Variants in GRK7 observed in about 807,000 individuals in gnomAD.
GRK7 encodes rhodopsin kinase GRK7.
Under a neutral mutation model 34.1 loss-of-function variants are expected in GRK7, and 24 were observed. The observed-to-expected ratio is 0.70, with a 90% confidence interval of 0.51 to 0.99. The LOEUF is 0.99. Among genes scored for constraint, GRK7 ranks in the 50% least tolerant of loss-of-function variants. The pLI is 0.00. For missense variants in GRK7, 644 were observed against 707.3 expected (o/e 0.91, Z 1.02); for synonymous variants, 256 against 279.4 (o/e 0.92, Z 0.84).
chr3:141,757,239 G>A, the GRK7 span, among the ~76,000 whole-genome samples: 9 of 149,950 alleles, frequency 6.0e-5, no homozygotes, highest in African/African-American at 2.2e-4. Context: ...ATGCTGGTGC[G>A]CTGCACCCAC....
chr3:141,777,110 G>C (rs936387779), intron 2 of GRK7, among the ~76,000 whole-genome samples: 2 of 152,088 alleles, frequency 1.3e-5, no homozygotes, highest in African/African-American at 4.8e-5. Context: ...CCACGCGAAG[G>C]CTCCTTGGCA....
At chr3:141,753,257 A>G in the GRK7 span, among the ~76,000 whole-genome samples, 1 of 152,260 alleles carries the variant, frequency 6.6e-6, no homozygotes, top group Non-Finnish European at 1.5e-5. Flanking sequence ...CTGTAAAGCT[A>G]CAAACAAACT....
chr3:141,772,221 A>G (rs978789036), intron 1 of GRK7, among the ~76,000 whole-genome samples: 1 of 151,878 alleles, frequency 6.6e-6, no homozygotes, highest in South Asian at 2.1e-4. Context: ...CAGCCTCCCA[A>G]GTATCTGGGA....
intron 4 of GRK7, among the ~76,000 whole-genome samples, chr3:141,799,277 A>G (rs996654113): frequency 1.3e-4 from 20 of 152,148 alleles, no homozygotes; most frequent in African/African-American, 4.8e-4. Context: ...AGAAAAAGTC[A>G]CTTCACCTAC....
chr3:141,781,545 A>AC (rs1402113900), intron 4 of GRK7, among the ~76,000 whole-genome samples: 1 of 151,864 alleles, frequency 6.6e-6, no homozygotes, highest in African/African-American at 2.4e-5. Context: ...TCAAAAAAAA[A>AC]AAAGAAAGAA....
rs938579644 is a variant in GRK7 at position 141,817,006 on chromosome 3, G to A, written c.1618G>A (p.Glu540Lys). The change falls in exon 6 of 6, where the codon GAG (glutamate) becomes AAG (lysine). Residue 540 changes from glutamate to lysine, a missense_variant. Glu to Lys is a moderately conservative substitution (Grantham distance 56, BLOSUM62 1). Transcript: ENST00000682958. The part of the protein sequence containing the change: ...LNDPNRPTGC[E>K]EGNSSKSGVC... Reference sequence around the variant, plus strand: ...TGACCCCAACAGACCTACGGGTTGTGAGGAGGGTAATTCATCCAAGTCTGG... The same window carrying A: ...TGACCCCAACAGACCTACGGGTTGTAAGGAGGGTAATTCATCCAAGTCTGG... 1 of 1,612,294 alleles carries A rather than the reference G, an allele frequency of 6.2e-7. No homozygotes were observed. Among genetic ancestry groups the A allele is most frequent in the Non-Finnish European group, 8.5e-7 (1 of 1,179,706 alleles).
chr3:141,785,117 A>C (rs74880522), intron 4 of GRK7, among the ~76,000 whole-genome samples: 7,171 of 152,286 alleles, frequency 0.047, 156 homozygotes, highest in South Asian at 0.088. Flanking sequence ...ACAAGTTAAG[A>C]CAGAAGAGGT....
chr3:141,814,879 A>G (rs1169953210), intron 5 of GRK7, among the ~76,000 whole-genome samples: 3 of 147,454 alleles, frequency 2.0e-5, no homozygotes, highest in Non-Finnish European at 4.5e-5. Flanking sequence ...AGCCCCTCCA[A>G]TATCTGTTTT....
At chr3:141,755,289 G>C in the GRK7 span, among the ~76,000 whole-genome samples, 1 of 152,098 alleles carries the variant, frequency 6.6e-6, no homozygotes, top group Non-Finnish European at 1.5e-5. Context: ...GATCACTTGA[G>C]GCCAGGAGTT....
At chr3:141,750,780 T>C in the GRK7 span, among the ~76,000 whole-genome samples, 69 of 143,684 alleles carry the variant, frequency 4.8e-4, no homozygotes, top group Non-Finnish European at 8.5e-4. Flanking sequence ...TTTTTTTTTT[T>C]AACTACCCTA....
chr3:141,765,088 G>A lies in GRK7; in HGVS notation c.-865G>A, dbSNP rs886224263. Among the ~76,000 whole-genome samples, 8 of 152,178 alleles carry A rather than the reference G, an allele frequency of 5.3e-5. No homozygotes were observed. The highest frequency in any genetic ancestry group is 1.9e-4 in the African/African-American group (8 of 41,430). ...TTCCAGTGGCTTTCCATCTCACTCA[G>A]AAGGAAAACCTAAGTTCTTGCAGTG... On this transcript the variant is annotated 5_prime_UTR_variant, in exon 1 of 6. Coordinates refer to ENST00000682958, the MANE Select transcript of GRK7 (RefSeq NM_139209.3).
chr3:141,775,163 G>A (rs2084633436), intron 2 of GRK7, among the ~76,000 whole-genome samples: 1 of 152,122 alleles, frequency 6.6e-6, no homozygotes, highest in East Asian at 1.9e-4. Flanking sequence ...ACTTTGGGAG[G>A]CCAAGGAGGG....
At chr3:141,773,846 A>G (rs1038358936) in intron 1 of GRK7, among the ~76,000 whole-genome samples, 1 of 152,232 alleles carries the variant, frequency 6.6e-6, no homozygotes, top group African/African-American at 2.4e-5. Flanking sequence ...ACTAAGGCTC[A>G]GAGAAGTTAA....
chr3:141,789,422 G>A (rs2084712285), intron 4 of GRK7, among the ~76,000 whole-genome samples: 1 of 152,068 alleles, frequency 6.6e-6, no homozygotes, highest in African/African-American at 2.4e-5. Flanking sequence ...CCCACAGAGG[G>A]AAAACATTTT....
the GRK7 span, among the ~76,000 whole-genome samples, chr3:141,756,628 T>G: frequency 6.6e-6 from 1 of 152,204 alleles, no homozygotes; most frequent in African/African-American, 2.4e-5. Flanking sequence ...TAACTGCACA[T>G]GTAGGATGTA....
At chr3:141,814,953 C>T (rs1388330912) in intron 5 of GRK7, among the ~76,000 whole-genome samples, 1 of 127,114 alleles carries the variant, frequency 7.9e-6, no homozygotes, top group East Asian at 2.6e-4. Context: ...GAGACGGAGT[C>T]TCTCTCTGTC....
the GRK7 span, among the ~76,000 whole-genome samples, chr3:141,756,328 G>GGC: frequency 1.0e-5 from 1 of 95,922 alleles, no homozygotes; most frequent in Non-Finnish European, 2.1e-5. Flanking sequence ...AAAAAAAAAG[G>GGC]TGGGGGGGTG....
At chr3:141,755,563 TAGTC>T in the GRK7 span, among the ~76,000 whole-genome samples, 1 of 152,228 alleles carries the variant, frequency 6.6e-6, no homozygotes, top group Non-Finnish European at 1.5e-5. Context: ...GAAGTCTAAA[TAGTC>T]AGTTGGCACC....
rs955282467 is a variant in GRK7, at chr3:141,790,799, G to C, written c.1050+9988G>C. Among the ~76,000 whole-genome samples the C allele has an allele frequency of 3.3e-5, 5 of 151,826 alleles. No individual in the cohort carries two copies. The East Asian group carries it at 5.9e-4, about 18-fold the overall frequency. ...GGCTGGTCTGGAACTCCTGACCTCAGGTGATCTGCCCACCTCGGCCTCTCA... is the reference window on the plus strand; with the variant it reads ...GGCTGGTCTGGAACTCCTGACCTCACGTGATCTGCCCACCTCGGCCTCTCA... On this transcript the variant is annotated intron_variant, in intron 4 of 5. Coordinates refer to ENST00000682958, the MANE Select transcript of GRK7 (RefSeq NM_139209.3).
Sources: gnomAD v4.1 joint callset for allele counts (sites outside exome capture counted in the v4.1 genomes callset) on GRCh38, gnomAD v4.1.1 for gene constraint, MANE v1.5 for transcripts, NCBI Gene and HGNC (gene_info 2026-07-23, HGNC 2026-07-21) for gene names.